IGF1R: variants seen among roughly 807,000 people sequenced by gnomAD.
IGF1R encodes the protein insulin like growth factor 1 receptor, also known as insulin-like growth factor 1 receptor.
A neutral mutation model predicts 144.6 loss-of-function variants in IGF1R; 44 were observed. That is an observed-to-expected ratio of 0.30 (90% CI 0.24 to 0.39). IGF1R has a LOEUF of 0.39. Among genes scored for constraint, IGF1R ranks in the 10% least tolerant of loss-of-function variants. The probability of loss-of-function intolerance (pLI) is 1.00; values close to 1 mark genes in which losing one functional copy is unlikely to be tolerated. For missense variants in IGF1R, 1,355 were observed against 1,833.7 expected (o/e 0.74, Z 4.77); for synonymous variants, 795 against 722.8 (o/e 1.10, Z -1.60).
At chr15:98,783,662 C>T (rs2055910947) in intron 2 of IGF1R, among the ~76,000 whole-genome samples, 1 of 152,142 alleles carries the variant, frequency 6.6e-6, no homozygotes. Flanking sequence ...AATTTCTTTG[C>T]TCATTGCCAG....
chr15:98,790,100 G>GAA (rs2056094588), intron 2 of IGF1R, among the ~76,000 whole-genome samples: 1 of 152,170 alleles, frequency 6.6e-6, no homozygotes, highest in Non-Finnish European at 1.5e-5. Flanking sequence ...GAAAGAGGCC[G>GAA]GGACAGGTGA....
At chr15:98,652,752 T>G (rs2052400105) in intron 1 of IGF1R, among the ~76,000 whole-genome samples, 2 of 152,082 alleles carry the variant, frequency 1.3e-5, no homozygotes, top group Admixed American at 1.3e-4. Flanking sequence ...TGCCAGGGGC[T>G]GGGGGCGGAT....
chr15:98,869,072 T>TAG (rs2012625792), intron 2 of IGF1R, among the ~76,000 whole-genome samples: 1 of 152,102 alleles, frequency 6.6e-6, no homozygotes, highest in Non-Finnish European at 1.5e-5. Context: ...CTAAAAGTGG[T>TAG]TTCTCAGATT....
intron 10 of IGF1R, among the ~76,000 whole-genome samples, chr15:98,921,645 T>C (rs1431601380): frequency 6.6e-6 from 1 of 152,062 alleles, no homozygotes; most frequent in Non-Finnish European, 1.5e-5. Context: ...CCAGGCATCT[T>C]TATTTCCACA....
intron 18 of IGF1R, 68 bp from the exon 19 acceptor site, chr15:98,942,855 G>C (rs1324288049): frequency 1.2e-6 from 2 of 1,600,532 alleles, no homozygotes; most frequent in Admixed American, 3.3e-5. Context: ...ATGAGTGTAG[G>C]GTCCTCTGCT....
At chr15:98,819,716 A>G (rs2056767147) in intron 2 of IGF1R, among the ~76,000 whole-genome samples, 1 of 152,172 alleles carries the variant, frequency 6.6e-6, no homozygotes, top group Non-Finnish European at 1.5e-5. Context: ...ATTAAAATTA[A>G]TAACTTTAAA....
intron 2 of IGF1R, among the ~76,000 whole-genome samples, chr15:98,885,841 A>T (rs1307512885): frequency 7.1e-6 from 1 of 140,580 alleles, no homozygotes; most frequent in Non-Finnish European, 1.5e-5. Flanking sequence ...TTGGAGATAG[A>T]GTTTTGTTCT....
intron 2 of IGF1R, among the ~76,000 whole-genome samples, chr15:98,723,276 C>G (rs1254884143): frequency 6.6e-6 from 1 of 152,156 alleles, no homozygotes. Context: ...TCTCCAAGAA[C>G]AAAGGAATTC....
chr15:98,650,045 C>T (rs1048095290), intron 1 of IGF1R, among the ~76,000 whole-genome samples: 1 of 151,940 alleles, frequency 6.6e-6, no homozygotes. Flanking sequence ...CTTCCATGCG[C>T]AAGAGCCTCT....
chr15:98,757,546 T>C lies in IGF1R; in HGVS notation c.640+49439T>C, dbSNP rs796369427. 1.4e-3 allele frequency among the ~76,000 whole-genome samples: 212 copies of C among 152,248 alleles called. 1 individual carries two copies. The highest frequency in any genetic ancestry group is 4.9e-3 in the African/African-American group (204 of 41,550). ...TGCCGTTTTGCTTGATGCATCAATATGTGTAATTTTTTTATTTTTCAGGGA... is the reference window on the plus strand; with the variant it reads ...TGCCGTTTTGCTTGATGCATCAATACGTGTAATTTTTTTATTTTTCAGGGA... On this transcript the variant is annotated intron_variant, in intron 2 of 20. Transcript: ENST00000650285.
intron 2 of IGF1R, among the ~76,000 whole-genome samples, chr15:98,864,449 C>T (rs1056173345): frequency 2.6e-5 from 4 of 152,238 alleles, no homozygotes; most frequent in African/African-American, 9.6e-5. Context: ...GTGTTGCTCT[C>T]ATAGCTCACT....
In IGF1R at chr15:98,704,332, TTGAG is replaced by T; in HGVS notation, c.95-3227_95-3224del. 6.6e-6 allele frequency among the ~76,000 whole-genome samples: 1 copy of T among 151,902 alleles called. No homozygotes were observed. Among genetic ancestry groups the T allele is most frequent in the South Asian group, 2.1e-4 (1 of 4,798 alleles). ...AGGCAGAGCTCTGAGGAGGTGACGT[TTGAG>T]TGGAGACCCAGATGGCTAGAGAATG... On this transcript the variant is annotated intron_variant, in intron 1 of 20. Transcript: ENST00000650285. This position sits in a 1 kb window ranked among gnomAD's most constrained non-coding sequence, Gnocchi z 4.9.
At chr15:98,782,360 G>C (rs993875092) in intron 2 of IGF1R, among the ~76,000 whole-genome samples, 1 of 151,758 alleles carries the variant, frequency 6.6e-6, no homozygotes, top group Non-Finnish European at 1.5e-5. Context: ...TGATTTTTAT[G>C]TTTTTTTTAC....
Position 98,695,135 on chromosome 15 carries a change from C to T in IGF1R, c.95-12427C>T, listed in dbSNP as rs909433584. ...ATTTGATATTCTGCAGTATAGTTAA[C>T]TCGTGCAAACAGTGTATGCTTTTCA... is the stretch of plus-strand genomic sequence containing the variant. On this transcript the variant is annotated intron_variant, in intron 1 of 20. Coordinates refer to ENST00000650285, the MANE Select transcript of IGF1R (RefSeq NM_000875.5). 3.3e-5 allele frequency among the ~76,000 whole-genome samples: 5 copies of T among 152,198 alleles called. No individual in the cohort carries two copies. The South Asian group carries it at 6.2e-4, about 19-fold the overall frequency.
intron 2 of IGF1R, among the ~76,000 whole-genome samples, chr15:98,876,812 T>G (rs1348448394): frequency 6.6e-6 from 1 of 152,202 alleles, no homozygotes; most frequent in Non-Finnish European, 1.5e-5. Flanking sequence ...TTAACGAGAA[T>G]GTATGATTAT....
chr15:98,828,935 C>T (rs185239369), intron 2 of IGF1R, among the ~76,000 whole-genome samples: 6 of 152,138 alleles, frequency 3.9e-5, no homozygotes, highest in African/African-American at 1.4e-4. Context: ...CTTGATGCTA[C>T]GTGAACTACT....
intron 2 of IGF1R, among the ~76,000 whole-genome samples, chr15:98,747,510 C>T (rs1400522296): frequency 6.6e-6 from 1 of 152,138 alleles, no homozygotes; most frequent in Non-Finnish European, 1.5e-5. Context: ...TGTAATAAAT[C>T]AGGGTAAGTT....
chr15:98,851,307 G>C (rs560151862), intron 2 of IGF1R, among the ~76,000 whole-genome samples: 1 of 152,170 alleles, frequency 6.6e-6, no homozygotes, highest in Non-Finnish European at 1.5e-5. Context: ...TGGCAGAGAG[G>C]CCCCCCAGGT....
intron 2 of IGF1R, among the ~76,000 whole-genome samples, chr15:98,722,225 T>C (rs181250382): frequency 4.6e-5 from 7 of 152,300 alleles, no homozygotes; most frequent in Admixed American, 3.3e-4. Context: ...TTATGCGGTG[T>C]GACGAGACAC....
Sources: gnomAD v4.1 joint callset for allele counts (sites outside exome capture counted in the v4.1 genomes callset) on GRCh38, gnomAD v4.1.1 for gene constraint, Gnocchi (gnomAD v3.1) non-coding constraint, MANE v1.5 for transcripts, NCBI Gene and HGNC (gene_info 2026-07-23, HGNC 2026-07-21) for gene names.